EIF2AK2: variants seen among roughly 807,000 people sequenced by gnomAD.
EIF2AK2 encodes interferon-induced, double-stranded RNA-activated protein kinase.
EIF2AK2 carries 40 observed loss-of-function variants against 70.5 expected under a neutral mutation model. That is an observed-to-expected ratio of 0.57 (90% CI 0.44 to 0.74). The LOEUF (loss-of-function observed/expected upper bound fraction) is 0.74, where lower values mean the gene tolerates loss of function less well. EIF2AK2 is among the 30% of genes least tolerant of loss of function. EIF2AK2 has a pLI of 0.00. For synonymous variants in EIF2AK2, 198 were observed against 220.9 expected (o/e 0.90, Z 0.92); for missense variants, 555 against 644.3 (o/e 0.86, Z 1.50).
intron 10 of EIF2AK2, among the ~76,000 whole-genome samples, chr2:37,129,319 A>G (rs766638575): frequency 3.2e-4 from 48 of 152,296 alleles, no homozygotes; most frequent in Middle Eastern, 3.4e-3. Flanking sequence ...GACACTGGGA[A>G]AAGGCTTGTC....
In EIF2AK2 at chr2:37,107,081, G is replaced by T; in HGVS notation, c.*192C>A. On this transcript the variant is annotated 3_prime_UTR_variant, in exon 17 of 17. Coordinates refer to ENST00000233057, the MANE Select transcript of EIF2AK2 (RefSeq NM_001135651.3). ...GAATAAAGAGATGAGCCAGGAAAAA[G>T]TAAAATGTAAGAATGTTTTTGAAGC... 5 of 683,288 alleles carry T rather than the reference G, an allele frequency of 7.3e-6. No homozygotes were observed. Among genetic ancestry groups the T allele is most frequent in the Non-Finnish European group, 1.1e-5 (5 of 467,006 alleles). The allele number at this position is 683,288 out of a possible 1,614,324, so 42.3% of individuals were successfully genotyped here.
At chr2:37,130,372 G>A (rs900076471) in intron 10 of EIF2AK2, among the ~76,000 whole-genome samples, 1 of 152,124 alleles carries the variant, frequency 6.6e-6, no homozygotes, top group Non-Finnish European at 1.5e-5. Context: ...CAAAGTGCTC[G>A]GATTACAGGC....
At chr2:37,149,916 C>T (rs571787456) in intron 1 of EIF2AK2, among the ~76,000 whole-genome samples, 1 of 151,976 alleles carries the variant, frequency 6.6e-6, no homozygotes, top group Admixed American at 6.6e-5. Flanking sequence ...AGTGAACAAT[C>T]GAAAGAACTG....
At chr2:37,112,118 G>A (rs988439155) in intron 14 of EIF2AK2, among the ~76,000 whole-genome samples, 2 of 151,726 alleles carry the variant, frequency 1.3e-5, no homozygotes, top group Non-Finnish European at 2.9e-5. Flanking sequence ...GTATGCCACT[G>A]CTGAGCAGAA....
chr2:37,105,112 A>G lies in EIF2AK2; in HGVS notation c.*2161T>C, dbSNP rs17020216. The G allele has an allele frequency of 6.6e-4, 100 of 152,360 alleles. No homozygotes were observed. The highest frequency in any genetic ancestry group is 2.3e-3 in the African/African-American group (94 of 41,592). The allele number at this position is 152,360 out of a possible 1,614,324, so 9.4% of individuals were successfully genotyped here. On this transcript the variant is annotated 3_prime_UTR_variant, in exon 17 of 17. Coordinates refer to ENST00000233057, the MANE Select transcript of EIF2AK2 (RefSeq NM_001135651.3). ...GAACACTTTTTAAAGCCTTTATAAA[A>G]CTATTTTCTCTTACTGTATTTTCAC...
intron 11 of EIF2AK2, among the ~76,000 whole-genome samples, chr2:37,125,600 C>T (rs1573013492): frequency 6.6e-6 from 1 of 152,284 alleles, no homozygotes; most frequent in Non-Finnish European, 1.5e-5. Flanking sequence ...ATTGACAGTC[C>T]CAGCTGAACT....
chr2:37,121,933 T>C (rs141106234), intron 12 of EIF2AK2, among the ~76,000 whole-genome samples: 1 of 152,264 alleles, frequency 6.6e-6, no homozygotes, highest in African/African-American at 2.4e-5. Flanking sequence ...AGATGCCAGC[T>C]CTTTAGGATC....
In EIF2AK2 at chr2:37,105,115, A is replaced by G. The variant is rs1367670588; in HGVS notation, c.*2158T>C. ...CACTTTTTAAAGCCTTTATAAAACTATTTTCTCTTACTGTATTTTCACTTT... is the reference window on the plus strand; with the variant it reads ...CACTTTTTAAAGCCTTTATAAAACTGTTTTCTCTTACTGTATTTTCACTTT... On this transcript the variant is annotated 3_prime_UTR_variant, in exon 17 of 17. Coordinates refer to ENST00000233057, the MANE Select transcript of EIF2AK2 (RefSeq NM_001135651.3). The G allele has an allele frequency of 6.6e-6, 1 of 152,134 alleles. No homozygotes were observed. The highest frequency in any genetic ancestry group is 1.5e-5 in the Non-Finnish European group (1 of 68,008). The allele number at this position is 152,134 out of a possible 1,614,324, so 9.4% of individuals were successfully genotyped here.
At chr2:37,123,482 G>A (rs539803682) in intron 11 of EIF2AK2, among the ~76,000 whole-genome samples, 1 of 152,150 alleles carries the variant, frequency 6.6e-6, no homozygotes, top group South Asian at 2.1e-4. Context: ...TGCCCATGCT[G>A]GTCTCAAACT....
At position 37,141,830 on chromosome 2, in the gene EIF2AK2, T is replaced by C. The variant is rs1158605876; in HGVS notation, c.241-129A>G. ...AACTTGGATGTTATATATTTTCCTA[T>C]TATATTACCTTGAGCAAAAGTGTGA... is the stretch of plus-strand genomic sequence containing the variant. On this transcript the variant is annotated intron_variant, in intron 4 of 16. Coordinates refer to ENST00000233057, the MANE Select transcript of EIF2AK2 (RefSeq NM_001135651.3). 6 of 1,003,352 alleles carry C rather than the reference T, an allele frequency of 6.0e-6. No individual in the cohort carries two copies. The East Asian group carries it at 1.4e-4, about 23-fold the overall frequency. The allele number at this position is 1,003,352 out of a possible 1,614,324, so 62.2% of individuals were successfully genotyped here. A position where few individuals can be genotyped will look rare whatever the true frequency, so the allele number is the denominator to read the frequency against.
At position 37,103,204 on chromosome 2, in the gene EIF2AK2, T is replaced by G. The variant is rs1673870199; in HGVS notation, c.*4069A>C. 6.6e-6 allele frequency: 1 copy of G among 151,860 alleles called. No homozygotes were observed. The highest frequency in any genetic ancestry group is 2.4e-5 in the African/African-American group (1 of 41,344). The allele number at this position is 151,860 out of a possible 1,614,324, so 9.4% of individuals were successfully genotyped here. A position where few individuals can be genotyped will look rare whatever the true frequency, so the allele number is the denominator to read the frequency against. On this transcript the variant is annotated 3_prime_UTR_variant, in exon 17 of 17. Coordinates refer to ENST00000233057, the MANE Select transcript of EIF2AK2 (RefSeq NM_001135651.3). ...AATATATATATCTTTTTTTTTCTTTTTTTTTTTTGAGACTGAGTTTTGCTC... is the reference window on the plus strand; with the variant it reads ...AATATATATATCTTTTTTTTTCTTTGTTTTTTTTGAGACTGAGTTTTGCTC...
intron 10 of EIF2AK2, among the ~76,000 whole-genome samples, chr2:37,132,586 C>A (rs1449515809): frequency 3.3e-5 from 5 of 151,394 alleles, no homozygotes; most frequent in African/African-American, 1.2e-4. Context: ...AAGAATCTGT[C>A]TCAAAAAACA....
Position 37,146,706 on chromosome 2 carries a change from G to A in EIF2AK2, c.240+147C>T, listed in dbSNP as rs1001458138. 30 of 970,686 alleles carry A rather than the reference G, an allele frequency of 3.1e-5. No individual in the cohort carries two copies. In the East Asian group the frequency reaches 7.5e-4, roughly 24 times the overall value. The allele number at this position is 970,686 out of a possible 1,614,324, so 60.1% of individuals were successfully genotyped here. ...CTCTCACTCAGGGTTTCATAGAAAT[G>A]AAGATAGGGTGAATGACTTAACCAA... is the stretch of plus-strand genomic sequence containing the variant. On this transcript the variant is annotated intron_variant, in intron 4 of 16. Coordinates refer to ENST00000233057, the MANE Select transcript of EIF2AK2 (RefSeq NM_001135651.3).
intron 1 of EIF2AK2, among the ~76,000 whole-genome samples, chr2:37,155,567 A>G (rs561511457): frequency 6.6e-6 from 1 of 152,290 alleles, no homozygotes; most frequent in Non-Finnish European, 1.5e-5. Flanking sequence ...CCTTCAACAC[A>G]GCCCTGACTG....
rs1004601466 is a variant in EIF2AK2 at position 37,120,834 on chromosome 2, G to A, written c.1068-695C>T. Among the ~76,000 whole-genome samples the A allele has an allele frequency of 8.7e-5, 13 of 149,000 alleles. 1 individual carries two copies. Among genetic ancestry groups the A allele is most frequent in the Non-Finnish European group, 1.8e-4 (12 of 66,902 alleles). On this transcript the variant is annotated intron_variant, in intron 12 of 16. Transcript: ENST00000233057. ...AAAAATTAGCTGGGTGTGGTGGCGCGGCACCTGTAGTCTCAGCTACTCGGG... is the reference window on the plus strand; with the variant it reads ...AAAAATTAGCTGGGTGTGGTGGCGCAGCACCTGTAGTCTCAGCTACTCGGG...
At chr2:37,128,336 G>A (rs529979841) in intron 10 of EIF2AK2, among the ~76,000 whole-genome samples, 1 of 152,196 alleles carries the variant, frequency 6.6e-6, no homozygotes, top group African/African-American at 2.4e-5. Context: ...CTAGAAAGTA[G>A]AAAACAGATA....
At position 37,107,603 on chromosome 2, in the gene EIF2AK2, T is replaced by C. The variant is rs1293064133; in HGVS notation, c.1480-76A>G. On this transcript the variant is annotated intron_variant, in intron 15 of 16. Transcript: ENST00000233057. ...AAAGACAGAACTAAAGGCTGAGGAA[T>C]ACCTGAAATGTAGGATATTTCCAGA... 1.3e-5 allele frequency: 19 copies of C among 1,472,170 alleles called. No individual in the cohort carries two copies. In the East Asian group the frequency reaches 4.3e-4, roughly 33 times the overall value. The allele number at this position is 1,472,170 out of a possible 1,614,324, so 91.2% of individuals were successfully genotyped here. A position where few individuals can be genotyped will look rare whatever the true frequency, so the allele number is the denominator to read the frequency against.
At chr2:37,127,163 A>T (rs1674770672) in intron 10 of EIF2AK2, among the ~76,000 whole-genome samples, 1 of 151,980 alleles carries the variant, frequency 6.6e-6, no homozygotes, top group African/African-American at 2.4e-5. Flanking sequence ...TTCGTGTTCC[A>T]TCATTAAGAC....
At position 37,120,001 on chromosome 2, in the gene EIF2AK2, C is replaced by T. The variant is rs979293852; in HGVS notation, c.1206G>A (p.Val402=). The change falls in exon 13 of 17, where the codon GTG becomes GTA. Residue 402 remains valine (V), a synonymous_variant. Transcript: ENST00000233057. ...TTAATTTTTTTGAATGTATATAATC[C>T]ACCCCTTTTGTTATTTGTTCAAAGA... is the stretch of plus-strand genomic sequence containing the variant. ...LELFEQITKG[V]DYIHSKKLIH... 1.4e-5 allele frequency: 21 copies of T among 1,525,514 alleles called. No homozygotes were observed. Among genetic ancestry groups the T allele is most frequent in the Non-Finnish European group, 1.7e-5 (19 of 1,132,142 alleles). The allele number at this position is 1,525,514 out of a possible 1,614,324, so 94.5% of individuals were successfully genotyped here.
Sources: gnomAD v4.1 joint callset for allele counts (sites outside exome capture counted in the v4.1 genomes callset) on GRCh38, gnomAD v4.1.1 for gene constraint, MANE v1.5 for transcripts, NCBI Gene and HGNC (gene_info 2026-07-23, HGNC 2026-07-21) for gene names.